RSRC1: variants seen among roughly 807,000 people sequenced by gnomAD.
The protein encoded by RSRC1 is serine/Arginine-related protein 53.
In RSRC1, 39 loss-of-function variants were observed where a neutral mutation model predicts 49.1. The observed-to-expected ratio is 0.79, with a 90% confidence interval of 0.61 to 1.04. The LOEUF is 1.04. Ranked by LOEUF, RSRC1 falls within the 50% of genes least tolerant of loss-of-function variation. RSRC1 has a pLI of 0.00. For synonymous variants in RSRC1, 143 were observed against 130.8 expected, an observed-to-expected ratio of 1.09 and a Z score of -0.63; for missense variants, 388 against 402.4, an observed-to-expected ratio of 0.96 and a Z score of 0.31.
chr3:158,410,299 T>A lies in RSRC1; in HGVS notation c.584-50636T>A, dbSNP rs369916563. Reference sequence around the variant, plus strand: ...TAGTTCCTTGGTTTGTACCTGTTTTTCCATCTACCTGAAATACTTACCTCT... The same window carrying A: ...TAGTTCCTTGGTTTGTACCTGTTTTACCATCTACCTGAAATACTTACCTCT... On this transcript the variant is annotated intron_variant, in intron 6 of 9. Transcript: ENST00000611884. 7.2e-5 allele frequency among the ~76,000 whole-genome samples: 11 copies of A among 152,266 alleles called. No individual in the cohort carries two copies. The East Asian group carries it at 2.1e-3, about 29-fold the overall frequency.
chr3:158,352,289 G>T (rs1001601184), intron 5 of RSRC1, among the ~76,000 whole-genome samples: 1 of 152,002 alleles, frequency 6.6e-6, no homozygotes, highest in Non-Finnish European at 1.5e-5. Context: ...AAAGAAAAAA[G>T]AATCTTCCCT....
chr3:158,141,962 G>C (rs1238484640), intron 3 of RSRC1, among the ~76,000 whole-genome samples: 1 of 152,136 alleles, frequency 6.6e-6, no homozygotes, highest in Non-Finnish European at 1.5e-5. Flanking sequence ...GCCGGGCGTG[G>C]TGGTGCACGC....
rs565457751 is a variant in RSRC1 at position 158,144,591 on chromosome 3, A to G, written c.320+20600A>G. ...GCTATTGTGAATAGTGCCGCAGTAA[A>G]CATACATGTGCATGTGTCTTTATAG... On this transcript the variant is annotated intron_variant, in intron 3 of 9. Transcript: ENST00000611884. 1.5e-4 allele frequency among the ~76,000 whole-genome samples: 23 copies of G among 152,302 alleles called. No homozygotes were observed. In the East Asian group the frequency reaches 3.3e-3, roughly 22 times the overall value.
intron 6 of RSRC1, among the ~76,000 whole-genome samples, chr3:158,436,721 A>C (rs1578475954): frequency 6.6e-6 from 1 of 151,904 alleles, no homozygotes; most frequent in Admixed American, 6.6e-5. Flanking sequence ...TTAAAAGCTA[A>C]TATCTATAAA....
intron 4 of RSRC1, among the ~76,000 whole-genome samples, chr3:158,245,380 T>C (rs1723832446): frequency 6.6e-6 from 1 of 152,158 alleles, no homozygotes; most frequent in Admixed American, 6.5e-5. Context: ...TGCTGCGGTC[T>C]GAGAGACTGT....
intron 6 of RSRC1, among the ~76,000 whole-genome samples, chr3:158,423,361 A>T (rs1458111274): frequency 6.6e-6 from 1 of 151,932 alleles, no homozygotes; most frequent in Admixed American, 6.6e-5. Flanking sequence ...TATTTTTCTC[A>T]GGTTTGTCAA....
intron 4 of RSRC1, among the ~76,000 whole-genome samples, chr3:158,252,113 A>G (rs1251568606): frequency 6.6e-6 from 1 of 151,226 alleles, no homozygotes; most frequent in East Asian, 1.9e-4. Flanking sequence ...CATATGTTGA[A>G]CCATTCTTGC....
At chr3:158,312,759 C>T (rs1415025618) in intron 5 of RSRC1, among the ~76,000 whole-genome samples, 1 of 152,136 alleles carries the variant, frequency 6.6e-6, no homozygotes, top group African/African-American at 2.4e-5. Flanking sequence ...CTTGCTAACA[C>T]TTATCCCCTA....
chr3:158,192,949 G>T (rs538522409), intron 3 of RSRC1, among the ~76,000 whole-genome samples: 14 of 152,172 alleles, frequency 9.2e-5, no homozygotes, highest in African/African-American at 3.4e-4. Context: ...TCAGAATGCT[G>T]CTTTTTCATT....
intron 7 of RSRC1, among the ~76,000 whole-genome samples, chr3:158,531,885 T>A (rs1712419872): frequency 1.3e-5 from 2 of 151,928 alleles, no homozygotes; most frequent in South Asian, 4.1e-4. Context: ...TATGAGATGT[T>A]TTGTCCACAA....
At chr3:158,510,460 C>T (rs1002811643) in intron 7 of RSRC1, among the ~76,000 whole-genome samples, 17 of 151,910 alleles carry the variant, frequency 1.1e-4, no homozygotes, top group African/African-American at 4.1e-4. Context: ...TAATCATATT[C>T]TCCAAAGAAT....
chr3:158,197,356 T>A (rs1243371518), intron 3 of RSRC1, among the ~76,000 whole-genome samples: 1 of 152,086 alleles, frequency 6.6e-6, no homozygotes, highest in Non-Finnish European at 1.5e-5. Context: ...TATCCCCTTT[T>A]TCATTTTTTA....
intron 3 of RSRC1, among the ~76,000 whole-genome samples, chr3:158,200,542 T>G (rs182711111): frequency 6.6e-6 from 1 of 152,198 alleles, no homozygotes; most frequent in East Asian, 1.9e-4. Flanking sequence ...TTATTTTATG[T>G]CTTTCCCTTC....
chr3:158,338,022 T>C (rs1319560410), intron 5 of RSRC1, among the ~76,000 whole-genome samples: 1 of 152,216 alleles, frequency 6.6e-6, no homozygotes, highest in Non-Finnish European at 1.5e-5. Flanking sequence ...TTGTATAGTA[T>C]ACAAGCAGCA....
chr3:158,285,549 G>A (rs888925833), intron 4 of RSRC1, among the ~76,000 whole-genome samples: 4 of 152,064 alleles, frequency 2.6e-5, no homozygotes, highest in African/African-American at 9.7e-5. Flanking sequence ...CCATTTCTTT[G>A]TATCCTCTTT....
chr3:158,268,126 ACT>A (rs1158105140), intron 4 of RSRC1, among the ~76,000 whole-genome samples: 1 of 151,716 alleles, frequency 6.6e-6, no homozygotes, highest in Non-Finnish European at 1.5e-5. Flanking sequence ...GATAGAGCTC[ACT>A]CTGTCTGTTT....
At chr3:158,161,970 A>AC (rs1310984442) in intron 3 of RSRC1, among the ~76,000 whole-genome samples, 1 of 152,120 alleles carries the variant, frequency 6.6e-6, no homozygotes, top group African/African-American at 2.4e-5. Context: ...ACGGAGTGAG[A>AC]CCCCATCTCA....
At chr3:158,292,289 T>G (rs1726979669) in intron 4 of RSRC1, among the ~76,000 whole-genome samples, 1 of 152,152 alleles carries the variant, frequency 6.6e-6, no homozygotes, top group South Asian at 2.1e-4. Context: ...AACCTAATAT[T>G]CAACTAATGC....
intron 6 of RSRC1, among the ~76,000 whole-genome samples, chr3:158,407,254 C>T (rs965523405): frequency 8.5e-5 from 13 of 152,082 alleles, no homozygotes; most frequent in African/African-American, 2.7e-4. Flanking sequence ...CAAATGCCTT[C>T]GTCTTAAAAT....
Sources: gnomAD v4.1 joint callset for allele counts (sites outside exome capture counted in the v4.1 genomes callset) on GRCh38, gnomAD v4.1.1 for gene constraint, MANE v1.5 for transcripts, NCBI Gene and HGNC (gene_info 2026-07-23, HGNC 2026-07-21) for gene names.